Variants in HDGF observed in about 807,000 individuals in gnomAD.
The protein encoded by HDGF is heparin binding growth factor, also known as hepatoma-derived growth factor.
HDGF carries 5 observed loss-of-function variants against 30.0 expected under a neutral mutation model. That is an observed-to-expected ratio of 0.17 (90% CI 0.09 to 0.35). The LOEUF is 0.35. HDGF is among the 10% of genes least tolerant of loss of function. HDGF has a pLI of 1.00. For synonymous variants in HDGF, 133 were observed against 112.7 expected, an observed-to-expected ratio of 1.18 and a Z score of -1.14; for missense variants, 214 against 302.8, an observed-to-expected ratio of 0.71 and a Z score of 2.18.
upstream of HDGF, among the ~76,000 whole-genome samples, chr1:156,754,150 G>T (rs1180360647): frequency 1.3e-5 from 2 of 152,032 alleles, no homozygotes; most frequent in Non-Finnish European, 2.9e-5. Flanking sequence ...TCCTGACCTT[G>T]TCATCCACCT....
At chr1:156,760,879 A>G (rs1317789970) in intron 1 of HDGF, among the ~76,000 whole-genome samples, 1 of 150,274 alleles carries the variant, frequency 6.7e-6, no homozygotes, top group East Asian at 1.9e-4. Context: ...AATTCAAAGT[A>G]TACGTGGAAA....
chr1:156,754,072 C>G (rs964605570), upstream of HDGF, among the ~76,000 whole-genome samples: 1 of 151,958 alleles, frequency 6.6e-6, no homozygotes, highest in East Asian at 1.9e-4. Context: ...CGCGTCACCA[C>G]GCCAGGCTAA....
intron 1 of HDGF, among the ~76,000 whole-genome samples, chr1:156,750,976 G>T (rs1057176351): frequency 2.0e-5 from 3 of 151,574 alleles, no homozygotes; most frequent in African/African-American, 7.3e-5. Context: ...TGGGGTCGGG[G>T]GAAGGAATAA....
rs1001858307 is a variant in HDGF at position 156,751,275 on chromosome 1, G to A, written c.87+68C>T. ...TCTGCCCGCTCCGCGCGGAGCGCTC[G>A]TGCCCTTCCCGGTGTTATGCAACCC... On this transcript the variant is annotated intron_variant, in intron 1 of 5. Transcript: ENST00000357325. This position sits in a 1 kb window ranked among gnomAD's most constrained non-coding sequence, Gnocchi z 4.7. 1.3e-5 allele frequency: 20 copies of A among 1,552,134 alleles called. No individual in the cohort carries two copies. In the East Asian group the frequency reaches 1.5e-4, roughly 11 times the overall value.
At chr1:156,766,315 A>G (rs2102745819) in intron 1 of HDGF, among the ~76,000 whole-genome samples, 1 of 152,274 alleles carries the variant, frequency 6.6e-6, no homozygotes, top group South Asian at 2.1e-4. Context: ...CAAAACCTCA[A>G]CAGCCTTTTC....
upstream of HDGF, among the ~76,000 whole-genome samples, chr1:156,757,326 C>T (rs1381306577): frequency 6.0e-5 from 9 of 150,720 alleles, no homozygotes; most frequent in Non-Finnish European, 1.2e-4. Context: ...ATTAGCTGGG[C>T]ATGGAGGCGC....
At chr1:156,760,425 G>T (rs1429417921) in intron 1 of HDGF, among the ~76,000 whole-genome samples, 3 of 152,212 alleles carry the variant, frequency 2.0e-5, no homozygotes, top group African/African-American at 7.2e-5. Context: ...CTCCCCACAT[G>T]CTGGGCAGCA....
chr1:156,744,473 C>G, intron 3 of HDGF, 125 bp from the exon 4 acceptor site: 1 of 1,590,796 alleles, frequency 6.3e-7, no homozygotes, highest in East Asian at 2.2e-5. Context: ...ACCCAGGTGC[C>G]CAGTCTCACG....
At chr1:156,744,799 T>G (rs1194977893) in intron 3 of HDGF, among the ~76,000 whole-genome samples, 1 of 152,140 alleles carries the variant, frequency 6.6e-6, no homozygotes, top group Non-Finnish European at 1.5e-5. Flanking sequence ...CCCAGACTGC[T>G]GTCTCACAGT....
At position 156,742,992 on chromosome 1, in the gene HDGF, G is replaced by C. The variant is rs1411982740; in HGVS notation, c.*457C>G. ...CGCCCTCCTGTGCTGCCCCCACCCC[G>C]CATTTGAGGATTGCCCCTCCCAGGC... On this transcript the variant is annotated 3_prime_UTR_variant, in exon 6 of 6. Coordinates refer to ENST00000357325, the MANE Select transcript of HDGF (RefSeq NM_004494.3). 6.4e-6 allele frequency: 1 copy of C among 157,476 alleles called. No individual in the cohort carries two copies. Among genetic ancestry groups the C allele is most frequent in the Non-Finnish European group, 1.4e-5 (1 of 71,422 alleles). 9.8% of individuals were successfully genotyped at this position (157,476 alleles called of 1,614,324 possible). A position where few individuals can be genotyped will look rare whatever the true frequency, so the allele number is the denominator to read the frequency against.
At chr1:156,764,225 T>G (rs1170319775) in intron 1 of HDGF, among the ~76,000 whole-genome samples, 1 of 146,676 alleles carries the variant, frequency 6.8e-6, no homozygotes, top group African/African-American at 2.5e-5. Flanking sequence ...GTTAAAAATT[T>G]CTTTTTTTTT....
intron 1 of HDGF, among the ~76,000 whole-genome samples, chr1:156,765,591 C>T (rs1651346501): frequency 6.7e-6 from 1 of 149,552 alleles, no homozygotes; most frequent in African/African-American, 2.5e-5. Flanking sequence ...TCTCCTGCCT[C>T]AGCCTCACGA....
At chr1:156,764,109 A>G (rs966898891) in intron 1 of HDGF, among the ~76,000 whole-genome samples, 3 of 129,684 alleles carry the variant, frequency 2.3e-5, no homozygotes, top group Non-Finnish European at 5.1e-5. Flanking sequence ...TTGTTTTTGT[A>G]GAGACAAGGT....
At chr1:156,743,971 C>A (rs1650323809) in intron 4 of HDGF, 93 bp from the exon 5 acceptor site, 1 of 1,103,412 alleles carries the variant, frequency 9.1e-7, no homozygotes, top group Non-Finnish European at 1.4e-6. Context: ...CCCAGGCTGA[C>A]ACCCACAGTC....
upstream of HDGF, among the ~76,000 whole-genome samples, chr1:156,753,016 C>G (rs1351769049): frequency 6.6e-6 from 1 of 152,202 alleles, no homozygotes; most frequent in South Asian, 2.1e-4. Flanking sequence ...CTCCTGAACT[C>G]TAAGCCTCAG....
chr1:156,756,793 C>CTTT (rs558782106), upstream of HDGF, among the ~76,000 whole-genome samples: 58 of 122,428 alleles, frequency 4.7e-4, no homozygotes, highest in African/African-American at 1.2e-3. Context: ...AAAAGGTGGT[C>CTTT]TTTTTTTTTT....
upstream of HDGF, among the ~76,000 whole-genome samples, chr1:156,756,292 G>T (rs1215488267): frequency 6.6e-6 from 1 of 152,116 alleles, no homozygotes; most frequent in Non-Finnish European, 1.5e-5. Flanking sequence ...TTTGCACAGA[G>T]CCTGGGACAT....
chr1:156,753,558 A>G (rs1487843711), upstream of HDGF, among the ~76,000 whole-genome samples: 2 of 152,158 alleles, frequency 1.3e-5, no homozygotes, highest in African/African-American at 2.4e-5. Context: ...ATTTTATTCT[A>G]TCTATCTATC....
Position 156,743,270 on chromosome 1 carries a change from GGCC to G in HDGF, c.*176_*178del. ...GGGGACCTAGAGGTGAGAGCCAGGT[GGCC>G]TGCCCCATCCAGGTCAATCTCCATG... On this transcript the variant is annotated 3_prime_UTR_variant, in exon 6 of 6. Transcript: ENST00000357325. 1.6e-6 allele frequency: 1 copy of G among 617,194 alleles called. No individual in the cohort carries two copies. Among genetic ancestry groups the G allele is most frequent in the South Asian group, 2.2e-5 (1 of 44,536 alleles). 38.2% of individuals were successfully genotyped at this position (617,194 alleles called of 1,614,324 possible).
Sources: allele counts gnomAD v4.1 joint callset (sites outside exome capture counted in the v4.1 genomes callset), GRCh38; gene constraint gnomAD v4.1.1; non-coding constraint Gnocchi (gnomAD v3.1); transcripts MANE v1.5; gene names NCBI Gene and HGNC (gene_info 2026-07-23, HGNC 2026-07-21).